The following EVA1A variants were observed in gnomAD, a reference collection of about 807,000 sequenced individuals.
EVA1A encodes eva-1 homolog A, regulator of programmed cell death.
In EVA1A, 7 loss-of-function variants were observed where a neutral mutation model predicts 9.8. The ratio of observed to expected loss-of-function variants is 0.71; its 90% CI spans 0.41 to 1.34. The LOEUF (loss-of-function observed/expected upper bound fraction) is 1.34, where lower values mean the gene tolerates loss of function less well. Ranked by LOEUF, EVA1A falls within the 40% of genes most tolerant of loss-of-function variation. EVA1A has a pLI of 0.01. For synonymous variants in EVA1A, 90 were observed against 85.6 expected (o/e 1.05, Z -0.28); for missense variants, 206 against 205.9 (o/e 1.00, Z 0.00).
At chr2:75,545,897 T>C (rs968428136) in intron 1 of EVA1A, among the ~76,000 whole-genome samples, 2 of 152,002 alleles carry the variant, frequency 1.3e-5, no homozygotes, top group African/African-American at 4.8e-5. Flanking sequence ...GAGGTCAGTC[T>C]CAAAGAAGTA....
intron 1 of EVA1A, among the ~76,000 whole-genome samples, chr2:75,538,454 C>G (rs1347233164): frequency 6.6e-6 from 1 of 152,164 alleles, no homozygotes; most frequent in Non-Finnish European, 1.5e-5. Flanking sequence ...AAATACAGTC[C>G]TGCACCACAT....
intron 1 of EVA1A, among the ~76,000 whole-genome samples, chr2:75,558,998 A>G (rs1018029574): frequency 1.1e-4 from 17 of 152,200 alleles, no homozygotes; most frequent in Admixed American, 8.5e-4. Flanking sequence ...ACTGGAATGG[A>G]GGGAAAGACT....
chr2:75,566,336 T>C (rs146990052), intron 1 of EVA1A, among the ~76,000 whole-genome samples: 7 of 151,826 alleles, frequency 4.6e-5, no homozygotes, highest in Non-Finnish European at 7.4e-5. Context: ...AACCAAATTA[T>C]AAAAACCCAC....
chr2:75,546,332 A>G (rs963039423), intron 1 of EVA1A, among the ~76,000 whole-genome samples: 5 of 152,158 alleles, frequency 3.3e-5, no homozygotes, highest in East Asian at 1.9e-4. Context: ...CCAGAATGCA[A>G]CAGGAACTTA....
chr2:75,536,158 C>T (rs1291908934), intron 1 of EVA1A, among the ~76,000 whole-genome samples: 1 of 151,926 alleles, frequency 6.6e-6, no homozygotes, highest in Non-Finnish European at 1.5e-5. Context: ...GGCAACATGG[C>T]AAAACCCCGT....
At chr2:75,536,254 G>A (rs1432664518) in intron 1 of EVA1A, among the ~76,000 whole-genome samples, 1 of 152,108 alleles carries the variant, frequency 6.6e-6, no homozygotes, top group African/African-American at 2.4e-5. Context: ...AGGATGGCTT[G>A]AGCCCAGGTG....
At chr2:75,531,194 C>T (rs1675636076) in intron 1 of EVA1A, among the ~76,000 whole-genome samples, 1 of 152,136 alleles carries the variant, frequency 6.6e-6, no homozygotes, top group Admixed American at 6.5e-5. Context: ...ATATACATAA[C>T]CAAGGAGTAC....
chr2:75,493,717 G>T, intron 3 of EVA1A, 108 bp from the exon 4 acceptor site: 1 of 1,032,938 alleles, frequency 9.7e-7, no homozygotes, highest in Non-Finnish European at 1.4e-6. Flanking sequence ...AAGTTTTGAT[G>T]GTTACAAATA....
intron 1 of EVA1A, among the ~76,000 whole-genome samples, chr2:75,528,429 T>C (rs1251216464): frequency 1.3e-5 from 2 of 152,172 alleles, no homozygotes; most frequent in African/African-American, 2.4e-5. Context: ...TCAGCTCTGT[T>C]GGCTGTTGGC....
At chr2:75,520,514 G>A (rs1348486203) in intron 2 of EVA1A, among the ~76,000 whole-genome samples, 2 of 152,110 alleles carry the variant, frequency 1.3e-5, no homozygotes, top group Non-Finnish European at 2.9e-5. Context: ...TAATGGAATA[G>A]AATAGAACAT....
intron 1 of EVA1A, among the ~76,000 whole-genome samples, chr2:75,534,042 G>C (rs574719571): frequency 1.3e-5 from 2 of 151,872 alleles, no homozygotes; most frequent in Non-Finnish European, 1.5e-5. Flanking sequence ...TCGATCTCCT[G>C]ACTTCGTGAT....
Position 75,554,459 on chromosome 2 carries a change from G to A in EVA1A, c.-192+6221C>T, listed in dbSNP as rs1191623814. On this transcript the variant is annotated intron_variant, in intron 1 of 3. Coordinates refer to ENST00000393913, the MANE Select transcript of EVA1A (RefSeq NM_001135032.2). ...TGGGGAGAAGGAAAGGGGGAAAAGC[G>A]GGGAGGAAATGGCCATTCCTATCCC... is the stretch of plus-strand genomic sequence containing the variant. Among the ~76,000 whole-genome samples the A allele has an allele frequency of 3.9e-5, 6 of 152,030 alleles. No homozygotes were observed. In the East Asian group the frequency reaches 5.9e-4, roughly 15 times the overall value.
rs571069643 is a variant in EVA1A at position 75,507,672 on chromosome 2, C to T, written c.85+10384G>A. ...GAGCCACATCAAAGCCCAAACTGTT[C>T]CTCAATCTCCACCATCCAGACAGCC... On this transcript the variant is annotated intron_variant, in intron 3 of 3. Transcript: ENST00000393913. Among the ~76,000 whole-genome samples the T allele has an allele frequency of 2.6e-5, 4 of 152,300 alleles. No homozygotes were observed. In the East Asian group the frequency reaches 5.8e-4, roughly 22 times the overall value.
At chr2:75,555,448 T>G (rs965377796) in intron 1 of EVA1A, among the ~76,000 whole-genome samples, 1 of 151,972 alleles carries the variant, frequency 6.6e-6, no homozygotes, top group African/African-American at 2.4e-5. Flanking sequence ...AGGTAAAACC[T>G]AGACTCTGGA....
chr2:75,495,052 C>T (rs535367915), intron 3 of EVA1A, among the ~76,000 whole-genome samples: 14 of 152,190 alleles, frequency 9.2e-5, no homozygotes, highest in South Asian at 6.2e-4. Context: ...TTGAGTACAC[C>T]GTACCCAATG....
chr2:75,552,097 C>A lies in EVA1A; in HGVS notation c.-192+8583G>T, dbSNP rs140767898. ...TCAGGAGGCTGAATCAGGAGGATCA[C>A]CTGAGCCCAGGGGTTCAAGTTCAAG... On this transcript the variant is annotated intron_variant, in intron 1 of 3. Transcript: ENST00000393913. 2.8e-3 allele frequency among the ~76,000 whole-genome samples: 419 copies of A among 152,194 alleles called. 1 individual carries two copies. The highest frequency in any genetic ancestry group is 9.4e-3 in the African/African-American group (389 of 41,514).
intron 3 of EVA1A, among the ~76,000 whole-genome samples, chr2:75,512,614 C>T (rs1481743874): frequency 6.6e-6 from 1 of 152,210 alleles, no homozygotes; most frequent in Non-Finnish European, 1.5e-5. Flanking sequence ...AAAGGTCAGA[C>T]ATTAAAAGCT....
intron 1 of EVA1A, among the ~76,000 whole-genome samples, chr2:75,534,502 T>TA (rs56043076): frequency 4.7e-5 from 7 of 148,624 alleles, no homozygotes; most frequent in Admixed American, 4.0e-4. Flanking sequence ...TTCAAGTAAC[T>TA]AAAAAAAGAA....
In EVA1A at chr2:75,546,635, G is replaced by A. The variant is rs142705701; in HGVS notation, c.-192+14045C>T. Among the ~76,000 whole-genome samples the A allele has an allele frequency of 7.2e-3, 1,099 of 152,286 alleles. 5 individuals are homozygous for A. The highest frequency in any genetic ancestry group is 0.01 in the Admixed American group (159 of 15,296). ...ATCCACTCAGGGATCTTGGTCAGAG[G>A]AAGCTCCTGAATTCTTCTTGGGAAA... On this transcript the variant is annotated intron_variant, in intron 1 of 3. Coordinates refer to ENST00000393913, the MANE Select transcript of EVA1A (RefSeq NM_001135032.2).
Sources: allele counts gnomAD v4.1 joint callset (sites outside exome capture counted in the v4.1 genomes callset), GRCh38; gene constraint gnomAD v4.1.1; transcripts MANE v1.5; gene names NCBI Gene and HGNC (gene_info 2026-07-23, HGNC 2026-07-21).